ADAMTS17: variants seen among roughly 807,000 people sequenced by gnomAD.
The protein encoded by ADAMTS17 is A disintegrin and metalloproteinase with thrombospondin motifs 17.
ADAMTS17 carries 113 observed loss-of-function variants against 141.5 expected under a neutral mutation model. That is an observed-to-expected ratio of 0.80 (90% CI 0.69 to 0.93). The LOEUF (loss-of-function observed/expected upper bound fraction) is 0.93, where lower values mean the gene tolerates loss of function less well. ADAMTS17 is among the 40% of genes least tolerant of loss of function. The pLI is 0.00. For missense variants in ADAMTS17, 1,659 were observed against 1,517.9 expected (o/e 1.09, Z -1.54); for synonymous variants, 768 against 630.6 (o/e 1.22, Z -3.27).
chr15:100,051,465 A>T (rs1430450421), intron 17 of ADAMTS17, 107 bp downstream of exon 17: 2 of 1,487,904 alleles, frequency 1.3e-6, no homozygotes, highest in Non-Finnish European at 1.9e-6. Context: ...ATTCCCATGG[A>T]GCTACAGGTT....
intron 17 of ADAMTS17, among the ~76,000 whole-genome samples, chr15:100,049,866 C>T (rs1020735827): frequency 3.3e-5 from 5 of 152,182 alleles, no homozygotes; most frequent in African/African-American, 1.2e-4. Flanking sequence ...CTCAGGGTGC[C>T]TCAGTGATGA....
chr15:100,216,620 A>C (rs556550117), intron 7 of ADAMTS17, among the ~76,000 whole-genome samples: 12 of 152,238 alleles, frequency 7.9e-5, no homozygotes, highest in African/African-American at 2.2e-4. Flanking sequence ...ACTGCCTTTA[A>C]AGACAAGCTC....
chr15:100,294,033 G>T (rs1344558304), intron 3 of ADAMTS17, among the ~76,000 whole-genome samples: 2 of 152,130 alleles, frequency 1.3e-5, no homozygotes, highest in African/African-American at 4.8e-5. Context: ...GAGTTTCCTT[G>T]TCTATAAGGC....
chr15:100,009,156 A>G (rs1028824343), intron 18 of ADAMTS17, among the ~76,000 whole-genome samples: 1 of 151,752 alleles, frequency 6.6e-6, no homozygotes, highest in South Asian at 2.1e-4. Flanking sequence ...GTCCTTTTCT[A>G]CCCGCTGTCT....
chr15:100,199,493 A>G, intron 7 of ADAMTS17, 70 bp from the exon 8 acceptor site: 1 of 1,272,588 alleles, frequency 7.9e-7, no homozygotes, highest in South Asian at 1.2e-5. Flanking sequence ...GCAAGTCCGC[A>G]CGGTCAACGT....
chr15:100,093,884 T>A (rs8043295), intron 15 of ADAMTS17, among the ~76,000 whole-genome samples: 30,623 of 151,774 alleles, frequency 0.2, 3,711 homozygotes, highest in East Asian at 0.52. Flanking sequence ...CATTGCGTGA[T>A]TGGGCTTGGG....
chr15:99,975,918 C>A, intron 21 of ADAMTS17, 127 bp downstream of exon 21: 1 of 1,064,178 alleles, frequency 9.4e-7, no homozygotes, highest in Non-Finnish European at 1.3e-6. Context: ...TGACAAATGT[C>A]AGCCTTATGT....
intron 13 of ADAMTS17, 101 bp downstream of exon 13, chr15:100,116,746 T>C (rs1428799113): frequency 6.5e-6 from 10 of 1,527,364 alleles, no homozygotes; most frequent in Non-Finnish European, 9.0e-7. Flanking sequence ...TCTTGCTGGG[T>C]TGGTTTGGGA....
chr15:100,220,828 T>C (rs533704665), intron 7 of ADAMTS17, among the ~76,000 whole-genome samples: 1 of 152,374 alleles, frequency 6.6e-6, no homozygotes, highest in African/African-American at 2.4e-5. Context: ...GTCATCCATG[T>C]CACAGCATGT....
intron 8 of ADAMTS17, among the ~76,000 whole-genome samples, chr15:100,199,098 G>A (rs565720209): frequency 1.3e-5 from 2 of 152,324 alleles, no homozygotes; most frequent in South Asian, 4.1e-4. Flanking sequence ...AAGAATAGAT[G>A]TGCACATCAA....
At chr15:100,147,666 C>A (rs1164591328) in intron 10 of ADAMTS17, among the ~76,000 whole-genome samples, 2 of 152,218 alleles carry the variant, frequency 1.3e-5, no homozygotes, top group East Asian at 3.8e-4. Context: ...TGACTGAAAC[C>A]TCATGATGAG....
intron 15 of ADAMTS17, among the ~76,000 whole-genome samples, chr15:100,059,834 A>T (rs1308504650): frequency 6.6e-6 from 1 of 152,162 alleles, no homozygotes; most frequent in East Asian, 1.9e-4. Flanking sequence ...CCTCTGGAGG[A>T]GTCCTTTCCA....
intron 7 of ADAMTS17, among the ~76,000 whole-genome samples, chr15:100,208,998 G>A (rs1281607569): frequency 2.7e-5 from 4 of 150,128 alleles, no homozygotes; most frequent in Admixed American, 6.7e-5. Flanking sequence ...CCAATGGTAC[G>A]TTCTTGAGAC....
chr15:100,098,869 T>C (rs915808053), intron 14 of ADAMTS17, among the ~76,000 whole-genome samples: 1 of 152,202 alleles, frequency 6.6e-6, no homozygotes, highest in Non-Finnish European at 1.5e-5. Context: ...TCTCTCCCAC[T>C]GGCCTCTTTC....
At chr15:100,008,196 C>A (rs1481063674) in intron 18 of ADAMTS17, among the ~76,000 whole-genome samples, 6 of 151,950 alleles carry the variant, frequency 3.9e-5, no homozygotes, top group Non-Finnish European at 8.8e-5. Context: ...CTTAGAGGGG[C>A]ACTGAACTTT....
chr15:100,099,154 T>A (rs2035945342), intron 14 of ADAMTS17, among the ~76,000 whole-genome samples: 1 of 152,176 alleles, frequency 6.6e-6, no homozygotes, highest in Non-Finnish European at 1.5e-5. Context: ...CGTTGCCCTT[T>A]CAGTTAATTC....
intron 3 of ADAMTS17, among the ~76,000 whole-genome samples, chr15:100,290,166 CA>C (rs2044581769): frequency 6.6e-6 from 1 of 152,120 alleles, no homozygotes; most frequent in African/African-American, 2.4e-5. Context: ...AGCAAAGTTT[CA>C]GATATATAAT....
rs1476247048 is a variant in ADAMTS17, at chr15:100,341,296, G to T, written c.193C>A (p.Pro65Thr). ...AAPGPRRRRRPRTPPAAPRAR... is the reference protein window; with the variant it reads ...AAPGPRRRRRTRTPPAAPRAR... ...CGCGGGGCGGCTGGGGGCGTGCGGG[G>T]GCGTCGCCGCCGTCGGGGCCCGGGG... Residue 65 changes from proline to threonine, a missense_variant, in exon 2 of 22, where the codon CCC becomes ACC. Coordinates refer to ENST00000268070, the MANE Select transcript of ADAMTS17 (RefSeq NM_139057.4). The T allele has an allele frequency of 9.0e-7, 1 of 1,106,806 alleles. No homozygotes were observed. The highest frequency in any genetic ancestry group is 1.1e-6 in the Non-Finnish European group (1 of 911,300). The allele number at this position is 1,106,806 out of a possible 1,614,324, so 68.6% of individuals were successfully genotyped here. A position where few individuals can be genotyped will look rare whatever the true frequency, so the allele number is the denominator to read the frequency against.
rs765663952 is a variant in ADAMTS17 at position 99,974,489 on chromosome 15, G to T, written c.3201C>A (p.Cys1067Ter). The T allele has an allele frequency of 1.2e-6, 2 of 1,614,238 alleles. No individual in the cohort carries two copies. Among genetic ancestry groups the T allele is most frequent in the Non-Finnish European group, 1.7e-6 (2 of 1,180,050 alleles). ...AGCGCTGGTACCACCGCATGTCCTG[G>T]CAGAGGTTCTTTTCTCGGATGACCC... ...YCRVIREKNL[C>*]QDMRWYQRCC... The change falls in exon 22 of 22, where the codon TGC becomes TGA. Residue 1067 changes from cysteine (C) to a stop codon, truncating the protein, a stop_gained. Transcript: ENST00000268070. LOFTEE classifies it high-confidence loss of function.
Sources: allele counts gnomAD v4.1 joint callset (sites outside exome capture counted in the v4.1 genomes callset), GRCh38; gene constraint gnomAD v4.1.1; transcripts MANE v1.5; gene names NCBI Gene and HGNC (gene_info 2026-07-23, HGNC 2026-07-21).